PRKN: variants seen among roughly 807,000 people sequenced by gnomAD.
PRKN encodes the protein E3 ubiquitin-protein ligase parkin.
In PRKN, 56 loss-of-function variants were observed where a neutral mutation model predicts 59.5. The ratio of observed to expected loss-of-function variants is 0.94; its 90% CI spans 0.76 to 1.18. The LOEUF (loss-of-function observed/expected upper bound fraction) is 1.18. PRKN is among the 50% of genes most tolerant of loss of function. PRKN has a pLI of 0.00. For missense variants in PRKN, 657 were observed against 596.4 expected, an observed-to-expected ratio of 1.10 and a Z score of -1.06; for synonymous variants, 250 against 222.1, an observed-to-expected ratio of 1.13 and a Z score of -1.12.
intron 1 of PRKN, among the ~76,000 whole-genome samples, chr6:162,508,854 AAAACAAAAAACAAAAAAC>A (rs1351846979): frequency 2.7e-5 from 4 of 149,838 alleles, no homozygotes; most frequent in African/African-American, 1.0e-4. Context: ...CCTGTCTCAA[AAAACAAAAAACAAAAAAC>A]AAACAAAAAA....
chr6:162,162,331 C>T (rs1274736620), intron 4 of PRKN, among the ~76,000 whole-genome samples: 4 of 152,042 alleles, frequency 2.6e-5, no homozygotes, highest in Non-Finnish European at 5.9e-5. Flanking sequence ...GAAGGATATG[C>T]GTAGGTTATG....
chr6:161,929,404 T>C (rs1040515763), intron 6 of PRKN, among the ~76,000 whole-genome samples: 5 of 151,830 alleles, frequency 3.3e-5, no homozygotes, highest in African/African-American at 1.2e-4. Context: ...TATTTTGGGG[T>C]GATGAAAATA....
intron 2 of PRKN, among the ~76,000 whole-genome samples, chr6:162,346,497 T>G (rs532115228): frequency 2.9e-3 from 442 of 150,198 alleles, no homozygotes; most frequent in Middle Eastern, 0.01. Context: ...GGTGCATGCC[T>G]GTAGTCCCAG....
intron 1 of PRKN, among the ~76,000 whole-genome samples, chr6:162,559,635 A>G (rs1052835441): frequency 1.3e-5 from 2 of 152,206 alleles, no homozygotes; most frequent in Non-Finnish European, 2.9e-5. Context: ...ACTTTCAGTT[A>G]TAGAGGCTAC....
chr6:161,392,449 G>A (rs1786554270), intron 9 of PRKN, among the ~76,000 whole-genome samples: 1 of 151,618 alleles, frequency 6.6e-6, no homozygotes, highest in Non-Finnish European at 1.5e-5. Context: ...CAAAAGAACT[G>A]ATGTAATGAA....
intron 9 of PRKN, among the ~76,000 whole-genome samples, chr6:161,511,821 A>G (rs983556787): frequency 6.7e-6 from 1 of 148,374 alleles, no homozygotes; most frequent in African/African-American, 2.6e-5. Flanking sequence ...GGTTGATCTT[A>G]GGAAAAAAAA....
chr6:162,600,906 ACTT>A (rs1347926862), intron 1 of PRKN, among the ~76,000 whole-genome samples: 15 of 103,682 alleles, frequency 1.4e-4, no homozygotes, highest in Non-Finnish European at 9.4e-5. Flanking sequence ...AGCCAATTAA[ACTT>A]CTTTTCTTTA....
chr6:161,852,288 A>T (rs1793470465), intron 6 of PRKN, among the ~76,000 whole-genome samples: 1 of 152,066 alleles, frequency 6.6e-6, no homozygotes, highest in South Asian at 2.1e-4. Context: ...TCTACAAAAA[A>T]CAAACAAAGA....
rs540375416 is a variant in PRKN, at chr6:161,359,915, T to A, written c.1285+173A>T. 6.6e-6 allele frequency among the ~76,000 whole-genome samples: 1 copy of A among 152,348 alleles called. No individual in the cohort carries two copies. Among genetic ancestry groups the A allele is most frequent in the Non-Finnish European group, 1.5e-5 (1 of 68,038 alleles). On this transcript the variant is annotated intron_variant, in intron 11 of 11. Transcript: ENST00000366898. The surrounding 1 kb of genome is among the most constrained non-coding windows in gnomAD (Gnocchi z 5.4). The stretch of plus-strand genomic sequence containing the variant: ...TGGAACTACTCACTCATTAAATATT[T>A]CTGTGTAACAAAAACAATAATAATA...
At chr6:162,021,166 AAAATATATGTGTATATATAT>A (rs1783161849) in intron 5 of PRKN, among the ~76,000 whole-genome samples, 1 of 49,388 alleles carries the variant, frequency 2.0e-5, no homozygotes, top group Non-Finnish European at 4.4e-5. Context: ...ATATATATAT[AAAATATATGTGTATATATAT>A]TATATATATA....
intron 2 of PRKN, among the ~76,000 whole-genome samples, chr6:162,346,113 C>T (rs944940680): frequency 3.3e-5 from 5 of 152,110 alleles, no homozygotes; most frequent in Non-Finnish European, 7.4e-5. Flanking sequence ...GCCAAATGAA[C>T]TCTTTTCTTT....
Position 161,530,070 on chromosome 6 carries a change from G to A in PRKN, c.1083+18784C>T, listed in dbSNP as rs962096375. ...CTCATTCATTTCACACCACTCTGATGTTTTAGCCAACAGTTTTTTCACTGG... is the reference window on the plus strand; with the variant it reads ...CTCATTCATTTCACACCACTCTGATATTTTAGCCAACAGTTTTTTCACTGG... On this transcript the variant is annotated intron_variant, in intron 9 of 11. Transcript: ENST00000366898. The surrounding 1 kb of genome is among the most constrained non-coding windows in gnomAD (Gnocchi z 5.0). Among the ~76,000 whole-genome samples, 1 of 152,026 alleles carries A rather than the reference G, an allele frequency of 6.6e-6. No homozygotes were observed. The highest frequency in any genetic ancestry group is 1.5e-5 in the Non-Finnish European group (1 of 68,018).
intron 9 of PRKN, among the ~76,000 whole-genome samples, chr6:161,472,977 A>G (rs1403853470): frequency 2.0e-5 from 3 of 152,216 alleles, no homozygotes; most frequent in Admixed American, 1.3e-4. Context: ...TAGGATGGCC[A>G]TTATCAAAAA....
chr6:161,587,288 A>G (rs555356096), intron 7 of PRKN, among the ~76,000 whole-genome samples: 1 of 152,190 alleles, frequency 6.6e-6, no homozygotes, highest in Non-Finnish European at 1.5e-5. Flanking sequence ...TTTATTATTG[A>G]TGTTTAGCAG....
intron 1 of PRKN, among the ~76,000 whole-genome samples, chr6:162,480,938 T>A (rs1425283767): frequency 1.3e-5 from 2 of 152,054 alleles, no homozygotes; most frequent in Non-Finnish European, 2.9e-5. Flanking sequence ...CCTGAGTACC[T>A]GGCACTACAG....
rs1050757733 is a variant in PRKN, at chr6:161,530,673, G to A, written c.1083+18181C>T. ...TGGGATTACAGGCATTTACCACCAC[G>A]CCTGGCTAATTTTTTTCTATTTTTA... On this transcript the variant is annotated intron_variant, in intron 9 of 11. Transcript: ENST00000366898. This position sits in a 1 kb window ranked among gnomAD's most constrained non-coding sequence, Gnocchi z 5.0. 5.9e-5 allele frequency among the ~76,000 whole-genome samples: 9 copies of A among 151,880 alleles called. No homozygotes were observed. The highest frequency in any genetic ancestry group is 1.0e-4 in the Non-Finnish European group (7 of 67,938).
intron 5 of PRKN, among the ~76,000 whole-genome samples, chr6:162,048,899 T>C (rs187403881): frequency 6.6e-6 from 1 of 152,260 alleles, no homozygotes; most frequent in East Asian, 1.9e-4. Flanking sequence ...ATATCCAAAG[T>C]TGAGTTAATT....
At chr6:162,245,487 TATATCTAATATA>T (rs1390447673) in intron 3 of PRKN, among the ~76,000 whole-genome samples, 9 of 151,866 alleles carry the variant, frequency 5.9e-5, no homozygotes, top group Admixed American at 1.3e-4. Flanking sequence ...TTGTACATTT[TATATCTAATATA>T]ATATCTAATA....
intron 3 of PRKN, among the ~76,000 whole-genome samples, chr6:162,215,200 C>G (rs1390551103): frequency 6.6e-6 from 1 of 152,158 alleles, no homozygotes; most frequent in Non-Finnish European, 1.5e-5. Context: ...TTTTATCTCT[C>G]CTACCAGGCT....
Sources: gnomAD v4.1 joint callset for allele counts (sites outside exome capture counted in the v4.1 genomes callset) on GRCh38, gnomAD v4.1.1 for gene constraint, Gnocchi (gnomAD v3.1) non-coding constraint, MANE v1.5 for transcripts, NCBI Gene and HGNC (gene_info 2026-07-23, HGNC 2026-07-21) for gene names.